UBE2D4: variants seen among roughly 807,000 people sequenced by gnomAD.
UBE2D4 encodes ubiquitin-conjugating enzyme E2 D4.
In UBE2D4, 17 loss-of-function variants were observed where a neutral mutation model predicts 23.0. The ratio of observed to expected loss-of-function variants is 0.74; its 90% CI spans 0.51 to 1.11. UBE2D4 has a LOEUF of 1.11. Among genes scored for constraint, UBE2D4 ranks in the 50% least tolerant of loss-of-function variants. The probability of loss-of-function intolerance (pLI) is 0.00; values close to 1 mark genes in which losing one functional copy is unlikely to be tolerated. For missense variants in UBE2D4, 139 were observed against 181.8 expected, an observed-to-expected ratio of 0.76 and a Z score of 1.35; for synonymous variants, 61 against 69.4, an observed-to-expected ratio of 0.88 and a Z score of 0.60.
chr7:43,932,512 G>A (rs2132754616), intron 1 of UBE2D4, among the ~76,000 whole-genome samples: 1 of 152,254 alleles, frequency 6.6e-6, no homozygotes, highest in South Asian at 2.1e-4. Flanking sequence ...AAAATACCTG[G>A]CTAAGCAGGG....
At chr7:43,938,657 G>A (rs907081789) in intron 2 of UBE2D4, among the ~76,000 whole-genome samples, 163 bp downstream of exon 2, 8 of 152,186 alleles carry the variant, frequency 5.3e-5, no homozygotes, top group African/African-American at 1.4e-4. Flanking sequence ...CTAACATGGC[G>A]AAACCCCGTC....
In UBE2D4 at chr7:43,932,553, G is replaced by A. The variant is rs529355892; in HGVS notation, c.25-5878G>A. Among the ~76,000 whole-genome samples, 29 of 152,306 alleles carry A rather than the reference G, an allele frequency of 1.9e-4. No homozygotes were observed. In the South Asian group the frequency reaches 5.2e-3, roughly 27 times the overall value. ...CACGCCTGTAATCTCAGCACTTTGGGAGGCCGAGGTGGATGGATCACTTGA... is the reference window on the plus strand; with the variant it reads ...CACGCCTGTAATCTCAGCACTTTGGAAGGCCGAGGTGGATGGATCACTTGA... On this transcript the variant is annotated intron_variant, in intron 1 of 6. Transcript: ENST00000222402.
At chr7:43,952,002 A>G (rs1353642789) in intron 6 of UBE2D4, 1 of 152,184 alleles carries the variant, frequency 6.6e-6, no homozygotes, top group Non-Finnish European at 1.5e-5. Flanking sequence ...TCTTGTAACT[A>G]TAAATCTCTC....
chr7:43,930,917 T>C (rs968868961), intron 1 of UBE2D4, among the ~76,000 whole-genome samples: 1 of 151,898 alleles, frequency 6.6e-6, no homozygotes, highest in African/African-American at 2.4e-5. Flanking sequence ...GGGCAGATCA[T>C]CTGAGGTTAG....
intron 6 of UBE2D4, 67 bp downstream of exon 6, chr7:43,950,759 C>A (rs2096000581): frequency 1.5e-6 from 2 of 1,302,992 alleles, no homozygotes; most frequent in Non-Finnish European, 2.2e-6. Context: ...AGTACCTGTG[C>A]TCTGAGCTGG....
chr7:43,926,495 C>G lies in UBE2D4; in HGVS notation c.-38C>G. On this transcript the variant is annotated 5_prime_UTR_variant, in exon 1 of 7. Transcript: ENST00000222402. ...CCGGCAGCGGGCCGCCTCAGGCAGCCCCGGCCGGGCCGCCCGGGTCCCCGG... is the reference window on the plus strand; with the variant it reads ...CCGGCAGCGGGCCGCCTCAGGCAGCGCCGGCCGGGCCGCCCGGGTCCCCGG... 1.1e-5 allele frequency: 17 copies of G among 1,488,126 alleles called. No individual in the cohort carries two copies. The highest frequency in any genetic ancestry group is 1.5e-5 in the Non-Finnish European group (17 of 1,116,856). 92.2% of individuals were successfully genotyped at this position (1,488,126 alleles called of 1,614,324 possible).
chr7:43,951,320 C>T (rs1169761411), intron 6 of UBE2D4, among the ~76,000 whole-genome samples: 5 of 152,204 alleles, frequency 3.3e-5, no homozygotes, highest in Non-Finnish European at 1.5e-5. Flanking sequence ...CACAAGGAGT[C>T]ATCGCCAAGT....
intron 2 of UBE2D4, chr7:43,941,019 G>A (rs1232822250): frequency 6.6e-6 from 1 of 152,070 alleles, no homozygotes; most frequent in African/African-American, 2.4e-5. Context: ...ACACCTCTAG[G>A]GGCTTGGGAA....
intron 1 of UBE2D4, among the ~76,000 whole-genome samples, chr7:43,935,451 C>G (rs2095956363): frequency 6.6e-6 from 1 of 152,066 alleles, no homozygotes; most frequent in South Asian, 2.1e-4. Context: ...TAAATTTATG[C>G]TTCTCTGTAA....
At chr7:43,950,067 G>C (rs917732098) in intron 5 of UBE2D4, among the ~76,000 whole-genome samples, 3 of 152,048 alleles carry the variant, frequency 2.0e-5, no homozygotes, top group Admixed American at 6.6e-5. Flanking sequence ...TGTTGGTCAG[G>C]CTGGTCTTGA....
chr7:43,947,978 C>T (rs931658418), intron 4 of UBE2D4, among the ~76,000 whole-genome samples: 1 of 152,228 alleles, frequency 6.6e-6, no homozygotes, highest in Non-Finnish European at 1.5e-5. Context: ...CTGTTGGCTG[C>T]ATAAATGTCT....
intron 2 of UBE2D4, chr7:43,942,286 A>G (rs2095974786): frequency 6.0e-6 from 1 of 167,846 alleles, no homozygotes; most frequent in East Asian, 1.6e-4. Flanking sequence ...ACTGCCCACC[A>G]GCCTGGGTGG....
chr7:43,953,587 CTCTT>C lies in UBE2D4; in HGVS notation c.*898_*901del, dbSNP rs1159629935. On this transcript the variant is annotated 3_prime_UTR_variant, in exon 7 of 7. Transcript: ENST00000222402. ...TCTAAATGATAATTGACATTTCAGC[CTCTT>C]TCTTTTAGGCAAAACAGAAGATACA... is the stretch of plus-strand genomic sequence containing the variant. 9 of 191,818 alleles carry C rather than the reference CTCTT, an allele frequency of 4.7e-5. No homozygotes were observed. The highest frequency in any genetic ancestry group is 8.8e-5 in the Non-Finnish European group (8 of 91,170). The allele number at this position is 191,818 out of a possible 1,614,324, so 11.9% of individuals were successfully genotyped here. A position where few individuals can be genotyped will look rare whatever the true frequency, so the allele number is the denominator to read the frequency against.
At chr7:43,952,475 A>G (rs1323428571) in intron 6 of UBE2D4, 175 bp from the exon 7 acceptor site, 1 of 619,936 alleles carries the variant, frequency 1.6e-6, no homozygotes, top group Non-Finnish European at 2.9e-6. Flanking sequence ...GTTTACAGCC[A>G]TGTCTGATGT....
rs544449282 is a variant in UBE2D4, at chr7:43,950,333, G to T, written c.305-266G>T. Among the ~76,000 whole-genome samples the T allele has an allele frequency of 2.1e-5, 3 of 145,410 alleles. No individual in the cohort carries two copies. In the East Asian group the frequency reaches 6.2e-4, roughly 30 times the overall value. On this transcript the variant is annotated intron_variant, in intron 5 of 6. Transcript: ENST00000222402. The stretch of plus-strand genomic sequence containing the variant: ...GGAGGGCAGTTGGAGACTAAGATGG[G>T]GTGCTTCAGTGGAGAAGGGGAATGA...
At chr7:43,930,516 C>T (rs2095942994) in intron 1 of UBE2D4, among the ~76,000 whole-genome samples, 7 of 152,174 alleles carry the variant, frequency 4.6e-5, no homozygotes, top group Admixed American at 4.6e-4. Context: ...AGTGCAGTGG[C>T]TCAATCATAG....
At chr7:43,940,556 G>A (rs1210185386) in intron 2 of UBE2D4, among the ~76,000 whole-genome samples, 1 of 152,192 alleles carries the variant, frequency 6.6e-6, no homozygotes, top group East Asian at 1.9e-4. Flanking sequence ...GACCTCAGTG[G>A]ATGAGGTTCA....
chr7:43,948,840 C>T (rs770381458), intron 5 of UBE2D4, 103 bp downstream of exon 5: 1 of 877,826 alleles, frequency 1.1e-6, no homozygotes, highest in Non-Finnish European at 1.9e-6. Context: ...TCACCTTTCC[C>T]AGGTCACATA....
intron 1 of UBE2D4, among the ~76,000 whole-genome samples, chr7:43,926,760 G>A (rs2095932034): frequency 6.6e-6 from 1 of 151,820 alleles, no homozygotes; most frequent in Admixed American, 6.6e-5. Flanking sequence ...GGGCGGGGCC[G>A]GGCCGTGGCC....
Sources: allele counts gnomAD v4.1 joint callset (sites outside exome capture counted in the v4.1 genomes callset), GRCh38; gene constraint gnomAD v4.1.1; transcripts MANE v1.5; gene names NCBI Gene and HGNC (gene_info 2026-07-23, HGNC 2026-07-21).